The following SH3GLB2 variants were observed in gnomAD, a reference collection of about 807,000 sequenced individuals.
SH3GLB2 encodes the protein endophilin-B2.
In SH3GLB2, 24 loss-of-function variants were observed where a neutral mutation model predicts 48.0. The observed-to-expected ratio is 0.50, with a 90% CI of 0.36 to 0.70. The LOEUF is 0.70. Among genes scored for constraint, SH3GLB2 ranks in the 30% least tolerant of loss-of-function variants. The probability of loss-of-function intolerance (pLI) is 0.00; values close to 1 mark genes in which losing one functional copy is unlikely to be tolerated. For synonymous variants in SH3GLB2, 227 were observed against 207.6 expected (o/e 1.09, Z -0.80); for missense variants, 425 against 516.0 (o/e 0.82, Z 1.71).
At position 129,009,809 on chromosome 9, in the gene SH3GLB2, G is replaced by A; in HGVS notation, c.801C>T (p.Cys267=). Residue 267 remains cysteine (C), a synonymous_variant, in exon 9 of 11, where the codon TGC becomes TGT. Transcript: ENST00000372564. ...VKSQTTYYAQ[C]YRHMLDLQKQ... is the part of the protein sequence containing the mutation. ...TCTGCAAGTCCAGCATGTGGCGGTA[G>A]CACTGTGCGTAGTAGGTTGTCTGAG... 1 of 1,614,014 alleles carries A rather than the reference G, an allele frequency of 6.2e-7. No homozygotes were observed. Among genetic ancestry groups the A allele is most frequent in the South Asian group, 1.1e-5 (1 of 91,048 alleles).
At chr9:129,009,667 C>T in intron 9 of SH3GLB2, 104 bp downstream of exon 9, 4 of 1,386,798 alleles carry the variant, frequency 2.9e-6, no homozygotes, top group Non-Finnish European at 4.0e-6. Context: ...AGCCCTCCAA[C>T]CCAGCTTTGT....
chr9:129,025,374 C>T (rs1159359571), intron 1 of SH3GLB2, among the ~76,000 whole-genome samples: 1 of 151,040 alleles, frequency 6.6e-6, no homozygotes, highest in Non-Finnish European at 1.5e-5. Flanking sequence ...ACCAGCCTGG[C>T]CAACGTGGTG....
chr9:129,012,996 A>T, intron 5 of SH3GLB2: 1 of 1,551,126 alleles, frequency 6.4e-7, no homozygotes, highest in Non-Finnish European at 8.7e-7. Flanking sequence ...CGCGTGGGAC[A>T]GGTATACTCA....
chr9:129,016,609 G>C (rs892688792), intron 3 of SH3GLB2, among the ~76,000 whole-genome samples: 3 of 149,784 alleles, frequency 2.0e-5, no homozygotes, highest in Admixed American at 1.3e-4. Context: ...AGTGAACCAA[G>C]ATCGCACCAC....
At chr9:129,013,173 G>A (rs1286611779) in intron 5 of SH3GLB2, 1 of 745,434 alleles carries the variant, frequency 1.3e-6, no homozygotes, top group Non-Finnish European at 2.3e-6. Flanking sequence ...CTCCTGAAGA[G>A]TCCTAACGTG....
At position 129,007,059 on chromosome 9, in the gene SH3GLB2, G is replaced by A. The variant is rs1353625900; in HGVS notation, c.*1625C>T. On this transcript the variant is annotated 3_prime_UTR_variant, in exon 11 of 11. Transcript: ENST00000372564. ...TCTTTGCAGTTTTGGTAATTCTGTG[G>A]TCTATTTATACAGATATTAAAATCT... 1 of 181,788 alleles carries A rather than the reference G, an allele frequency of 5.5e-6. No homozygotes were observed. The highest frequency in any genetic ancestry group is 2.4e-5 in the African/African-American group (1 of 42,316). The allele number at this position is 181,788 out of a possible 1,614,324, so 11.3% of individuals were successfully genotyped here.
chr9:129,009,184 G>A lies in SH3GLB2; in HGVS notation c.1002C>T (p.Ala334=). The A allele has an allele frequency of 6.2e-7, 1 of 1,611,408 alleles. No individual in the cohort carries two copies. The highest frequency in any genetic ancestry group is 8.5e-7 in the Non-Finnish European group (1 of 1,179,398). The part of the protein sequence containing the change: ...SLCLEEVAPP[A]SGTRKARVLY... ...GCACCCGAGCTTTGCGGGTCCCACTGGCAGGGGGGGCCACCTCTTCCAGGC... is the reference window on the plus strand; with the variant it reads ...GCACCCGAGCTTTGCGGGTCCCACTAGCAGGGGGGGCCACCTCTTCCAGGC... Residue 334 remains alanine (A), a synonymous_variant, in exon 10 of 11, where the codon GCC becomes GCT. Transcript: ENST00000372564.
At position 129,014,642 on chromosome 9, in the gene SH3GLB2, A is replaced by G. The variant is rs532405964; in HGVS notation, c.468+129T>C. On this transcript the variant is annotated intron_variant, in intron 4 of 10. Coordinates refer to ENST00000372564, the MANE Select transcript of SH3GLB2 (RefSeq NM_020145.4). This position sits in a 1 kb window ranked among gnomAD's most constrained non-coding sequence, Gnocchi z 4.1. Reference sequence around the variant, plus strand: ...CCAGAGATAGGAGGTCACTCAGTCCAAAGGAGCCCTCTCTGGGGAGGCCTC... The same window carrying G: ...CCAGAGATAGGAGGTCACTCAGTCCGAAGGAGCCCTCTCTGGGGAGGCCTC... The G allele has an allele frequency of 1.3e-6, 2 of 1,503,388 alleles. No individual in the cohort carries two copies. The highest frequency in any genetic ancestry group is 2.8e-5 in the African/African-American group (2 of 71,960). The allele number at this position is 1,503,388 out of a possible 1,614,324, so 93.1% of individuals were successfully genotyped here. A position where few individuals can be genotyped will look rare whatever the true frequency, so the allele number is the denominator to read the frequency against.
chr9:129,009,082 C>T, intron 10 of SH3GLB2, 24 bp downstream of exon 10: 2 of 1,604,382 alleles, frequency 1.2e-6, no homozygotes, highest in Non-Finnish European at 1.7e-6. Context: ...CCATTCCTGC[C>T]CCACCTTGCG....
rs372967504 is a variant in SH3GLB2, at chr9:129,022,268, G to A, written c.205+14C>T. The A allele has an allele frequency of 9.3e-6, 15 of 1,611,944 alleles. No individual in the cohort carries two copies. Among genetic ancestry groups the A allele is most frequent in the African/African-American group, 2.7e-5 (2 of 74,842 alleles). On this transcript the variant is annotated intron_variant, in intron 2 of 10. Coordinates refer to ENST00000372564, the MANE Select transcript of SH3GLB2 (RefSeq NM_020145.4). ...CGACTACATCCCTCCCCGGGCCCAC[G>A]AACACGCACTCACTGGGGTTGGGCT...
At chr9:129,020,596 G>A (rs1441417133) in intron 3 of SH3GLB2, among the ~76,000 whole-genome samples, 1 of 151,668 alleles carries the variant, frequency 6.6e-6, no homozygotes, top group Non-Finnish European at 1.5e-5. Flanking sequence ...GGCCGGGCGC[G>A]GTGGCTCACG....
chr9:129,027,423 A>G (rs1432698381), intron 1 of SH3GLB2, among the ~76,000 whole-genome samples: 1 of 152,120 alleles, frequency 6.6e-6, no homozygotes, highest in Non-Finnish European at 1.5e-5. Context: ...AGGTCTTCCC[A>G]TGATGTTGAG....
chr9:129,027,275 T>A (rs1388899047), intron 1 of SH3GLB2, among the ~76,000 whole-genome samples: 2 of 151,764 alleles, frequency 1.3e-5, no homozygotes, highest in East Asian at 1.9e-4. Context: ...ATATGCAGAG[T>A]CCCACAGAAT....
At chr9:129,021,977 A>AAC (rs1843835138) in intron 2 of SH3GLB2, among the ~76,000 whole-genome samples, 1 of 150,796 alleles carries the variant, frequency 6.6e-6, no homozygotes, top group Admixed American at 6.6e-5. Flanking sequence ...AAAAAAAAAA[A>AAC]CCAACAGAGT....
At position 129,022,390 on chromosome 9, in the gene SH3GLB2, T is replaced by C. The variant is rs1564585235; in HGVS notation, c.97A>G (p.Thr33Ala). ...TTTTCAAAGTGGGCATCAAGCTCAG[T>C]CTTCTCAGCCTGGCCAAATTTCTCC... ...TEEKFGQAEK[T>A]ELDAHFENLL... The change falls in exon 2 of 11, where the codon ACT becomes GCT. Residue 33 changes from threonine to alanine, a missense_variant. Transcript: ENST00000372564. 6.2e-7 allele frequency: 1 copy of C among 1,613,854 alleles called. No individual in the cohort carries two copies. Among genetic ancestry groups the C allele is most frequent in the Non-Finnish European group, 8.5e-7 (1 of 1,179,966 alleles).
rs779558828 is a variant in SH3GLB2, at chr9:129,009,738, G to A, written c.839+33C>T. ...ACGGACAGGGTATGGGAGCCAGGGGGCCCCAGTGGGTTCAGCAGTGCTGGC... is the reference window on the plus strand; with the variant it reads ...ACGGACAGGGTATGGGAGCCAGGGGACCCCAGTGGGTTCAGCAGTGCTGGC... On this transcript the variant is annotated intron_variant, in intron 9 of 10. Coordinates refer to ENST00000372564, the MANE Select transcript of SH3GLB2 (RefSeq NM_020145.4). The A allele has an allele frequency of 3.2e-6, 5 of 1,585,638 alleles. No homozygotes were observed. The East Asian group carries it at 9.1e-5, about 29-fold the overall frequency.
chr9:129,018,722 T>G lies in SH3GLB2; in HGVS notation c.334+2369A>C, dbSNP rs531203515. 1.5e-3 allele frequency among the ~76,000 whole-genome samples: 234 copies of G among 151,438 alleles called. 4 individuals carry two copies. Among genetic ancestry groups the G allele is most frequent in the African/African-American group, 5.5e-3 (227 of 41,102 alleles). Reference sequence around the variant, plus strand: ...GCCTGGCCAAGATGGTGAAACCTCATCTCTACTAAAAATACAAAAAATTAG... The same window carrying G: ...GCCTGGCCAAGATGGTGAAACCTCAGCTCTACTAAAAATACAAAAAATTAG... On this transcript the variant is annotated intron_variant, in intron 3 of 10. Coordinates refer to ENST00000372564, the MANE Select transcript of SH3GLB2 (RefSeq NM_020145.4).
chr9:129,027,434 T>C (rs1844222901), intron 1 of SH3GLB2, among the ~76,000 whole-genome samples: 1 of 152,086 alleles, frequency 6.6e-6, no homozygotes, highest in Admixed American at 6.5e-5. Context: ...TGATGTTGAG[T>C]TGCCTGTTAC....
At chr9:129,023,944 G>C (rs968256821) in intron 1 of SH3GLB2, among the ~76,000 whole-genome samples, 1 of 152,150 alleles carries the variant, frequency 6.6e-6, no homozygotes, top group African/African-American at 2.4e-5. Context: ...GTCCTTTGAG[G>C]GGGGTGGCGT....
Sources: allele counts gnomAD v4.1 joint callset (sites outside exome capture counted in the v4.1 genomes callset), GRCh38; gene constraint gnomAD v4.1.1; non-coding constraint Gnocchi (gnomAD v3.1); transcripts MANE v1.5; gene names NCBI Gene and HGNC (gene_info 2026-07-23, HGNC 2026-07-21).